The following CTNNA3 variants were observed in gnomAD, a reference collection of about 807,000 sequenced individuals.
The protein encoded by CTNNA3 is catenin alpha 3.
A neutral mutation model predicts 95.7 loss-of-function variants in CTNNA3; 76 were observed. That is an observed-to-expected ratio of 0.79 (90% CI 0.66 to 0.96). The LOEUF is 0.96. Among genes scored for constraint, CTNNA3 ranks in the 40% least tolerant of loss-of-function variants. The pLI, the probability that CTNNA3 is intolerant of heterozygous loss-of-function variation, is 0.00. For synonymous variants in CTNNA3, 431 were observed against 374.4 expected (o/e 1.15, Z -1.74); for missense variants, 1,191 against 1,089.8 (o/e 1.09, Z -1.31).
intron 9 of CTNNA3, among the ~76,000 whole-genome samples, chr10:66,754,621 T>C (rs2132741026): frequency 6.6e-6 from 1 of 152,168 alleles, no homozygotes; most frequent in Non-Finnish European, 1.5e-5. Context: ...ATATATCTGA[T>C]AAGGGGGTTA....
At chr10:67,089,389 T>C (rs1857494236) in intron 7 of CTNNA3, among the ~76,000 whole-genome samples, 1 of 152,044 alleles carries the variant, frequency 6.6e-6, no homozygotes, top group African/African-American at 2.4e-5. Flanking sequence ...AAAAATAATT[T>C]ACTAGTAGAA....
At chr10:66,234,250 T>C (rs1032542558) in intron 13 of CTNNA3, among the ~76,000 whole-genome samples, 6 of 152,188 alleles carry the variant, frequency 3.9e-5, no homozygotes, top group African/African-American at 1.4e-4. Context: ...TTCAACAACA[T>C]GTTTACCAAA....
chr10:65,976,212 T>C (rs2078205239), intron 16 of CTNNA3, among the ~76,000 whole-genome samples: 1 of 152,178 alleles, frequency 6.6e-6, no homozygotes, highest in Admixed American at 6.5e-5. Context: ...TATTAAATTG[T>C]CATTCTGATT....
chr10:66,806,836 A>C (rs2132251682), intron 7 of CTNNA3, among the ~76,000 whole-genome samples: 1 of 151,922 alleles, frequency 6.6e-6, no homozygotes, highest in South Asian at 2.1e-4. Context: ...ATATAAACAT[A>C]CATATATATA....
intron 4 of CTNNA3, among the ~76,000 whole-genome samples, 155 bp from the exon 5 acceptor site, chr10:67,522,116 T>C (rs1435110690): frequency 6.6e-6 from 1 of 152,132 alleles, no homozygotes; most frequent in Non-Finnish European, 1.5e-5. Context: ...AATGAAATAA[T>C]TAGGGACACA....
intron 5 of CTNNA3, among the ~76,000 whole-genome samples, chr10:67,275,283 G>A (rs1323671600): frequency 1.3e-5 from 2 of 152,108 alleles, no homozygotes; most frequent in African/African-American, 4.8e-5. Flanking sequence ...ATAACCACAC[G>A]TGCACACATA....
At chr10:66,994,810 C>T (rs996260313) in intron 7 of CTNNA3, among the ~76,000 whole-genome samples, 10 of 152,160 alleles carry the variant, frequency 6.6e-5, no homozygotes, top group African/African-American at 2.4e-4. Flanking sequence ...TTTTACAAAA[C>T]ATCAGTCCTT....
intron 9 of CTNNA3, among the ~76,000 whole-genome samples, chr10:66,718,797 G>A (rs923496597): frequency 8.6e-5 from 13 of 152,032 alleles, no homozygotes; most frequent in Non-Finnish European, 8.8e-5. Flanking sequence ...CTTGTTAAAT[G>A]AAAATCACAT....
intron 9 of CTNNA3, among the ~76,000 whole-genome samples, chr10:66,682,911 A>G (rs1198929219): frequency 2.0e-5 from 3 of 152,144 alleles, no homozygotes; most frequent in South Asian, 2.1e-4. Context: ...TTTCTGGAAA[A>G]TGGAGGTCAT....
intron 7 of CTNNA3, among the ~76,000 whole-genome samples, chr10:66,829,749 C>G (rs1003008388): frequency 6.6e-6 from 1 of 150,740 alleles, no homozygotes; most frequent in Non-Finnish European, 1.5e-5. Flanking sequence ...GAAACACTGC[C>G]TTAGACTACA....
upstream of CTNNA3, among the ~76,000 whole-genome samples, chr10:67,701,004 T>C (rs1038493377): frequency 6.6e-6 from 1 of 152,078 alleles, no homozygotes. Context: ...GCCAATGCGA[T>C]CAACTGGAAG....
intron 5 of CTNNA3, among the ~76,000 whole-genome samples, chr10:67,378,739 T>C (rs919458186): frequency 2.0e-5 from 3 of 152,194 alleles, no homozygotes; most frequent in African/African-American, 7.2e-5. Context: ...GATTTCATTC[T>C]TTTTATGGCT....
chr10:65,948,161 G>C (rs531385747), intron 17 of CTNNA3, among the ~76,000 whole-genome samples: 93 of 151,654 alleles, frequency 6.1e-4, no homozygotes, highest in African/African-American at 2.3e-3. Flanking sequence ...GGCGCCTGTA[G>C]TCCCAGCTAC....
chr10:66,605,309 G>A (rs1844079365), intron 10 of CTNNA3, among the ~76,000 whole-genome samples: 1 of 152,244 alleles, frequency 6.6e-6, no homozygotes, highest in South Asian at 2.1e-4. Flanking sequence ...ATGAGATTAT[G>A]TAAAGAAACA....
chr10:66,429,339 T>C (rs956061834), intron 11 of CTNNA3, among the ~76,000 whole-genome samples: 1 of 152,176 alleles, frequency 6.6e-6, no homozygotes, highest in Non-Finnish European at 1.5e-5. Context: ...GAGGAGCTGG[T>C]ATCATTCCTT....
chr10:66,843,695 C>A (rs1843149078), intron 7 of CTNNA3, among the ~76,000 whole-genome samples: 1 of 152,186 alleles, frequency 6.6e-6, no homozygotes, highest in Admixed American at 6.5e-5. Flanking sequence ...TGCCTAACTT[C>A]AGAATCAGAA....
At chr10:66,066,606 C>CA (rs1424227514) in intron 15 of CTNNA3, among the ~76,000 whole-genome samples, 1 of 151,898 alleles carries the variant, frequency 6.6e-6, no homozygotes, top group African/African-American at 2.4e-5. Flanking sequence ...GAGTTAAGTG[C>CA]AAAAAATAGA....
chr10:65,989,798 T>C (rs1348666161), intron 15 of CTNNA3, among the ~76,000 whole-genome samples: 1 of 152,086 alleles, frequency 6.6e-6, no homozygotes. Flanking sequence ...ACTCAACTAT[T>C]GAATATTTGA....
At chr10:66,004,951 T>C (rs2078850902) in intron 15 of CTNNA3, among the ~76,000 whole-genome samples, 1 of 152,178 alleles carries the variant, frequency 6.6e-6, no homozygotes, top group Non-Finnish European at 1.5e-5. Context: ...AACTGGGAAG[T>C]CCAAAGTAAG....
Sources: allele counts gnomAD v4.1 joint callset (sites outside exome capture counted in the v4.1 genomes callset), GRCh38; gene constraint gnomAD v4.1.1; transcripts MANE v1.5; gene names NCBI Gene and HGNC (gene_info 2026-07-23, HGNC 2026-07-21).